TTC12: variants seen among roughly 807,000 people sequenced by gnomAD.
TTC12 encodes tetratricopeptide repeat protein 12.
A neutral mutation model predicts 90.1 loss-of-function variants in TTC12; 70 were observed. The ratio of observed to expected loss-of-function variants is 0.78; its 90% confidence interval spans 0.64 to 0.95. The LOEUF (loss-of-function observed/expected upper bound fraction) is 0.95. Ranked by LOEUF, TTC12 falls within the 40% of genes least tolerant of loss-of-function variation. The probability of loss-of-function intolerance (pLI) is 0.00; values close to 1 mark genes in which losing one functional copy is unlikely to be tolerated. For synonymous variants in TTC12, 296 were observed against 311.5 expected (o/e 0.95, Z 0.53); for missense variants, 819 against 846.1 (o/e 0.97, Z 0.40).
chr11:113,351,189 T>C (rs781796640), intron 14 of TTC12, 50 bp from the exon 15 acceptor site: 2 of 1,538,438 alleles, frequency 1.3e-6, no homozygotes, highest in South Asian at 2.2e-5. Context: ...GTATTTATGT[T>C]ATAGTTTATG....
chr11:113,325,773 G>A (rs1439512459), intron 6 of TTC12, 128 bp downstream of exon 6: 1 of 1,250,644 alleles, frequency 8.0e-7, no homozygotes, highest in Non-Finnish European at 1.1e-6. Flanking sequence ...TGTTTTAAGT[G>A]TGGGAGGAGC....
intron 8 of TTC12, among the ~76,000 whole-genome samples, chr11:113,336,200 T>C (rs1948362435): frequency 6.6e-6 from 1 of 152,198 alleles, no homozygotes; most frequent in Non-Finnish European, 1.5e-5. Flanking sequence ...ATGTACTTGT[T>C]GGCCATTTAT....
intron 18 of TTC12, 142 bp from the exon 19 acceptor site, chr11:113,362,259 T>C: frequency 1.6e-6 from 1 of 620,062 alleles, no homozygotes; most frequent in Non-Finnish European, 2.9e-6. Context: ...AACAGTGCTT[T>C]CTATTATTTG....
intron 2 of TTC12, among the ~76,000 whole-genome samples, chr11:113,321,975 G>A (rs1271628375): frequency 6.6e-6 from 1 of 152,156 alleles, no homozygotes; most frequent in African/African-American, 2.4e-5. Context: ...CACAAAAATG[G>A]TGGTTTGTTT....
chr11:113,342,298 G>A (rs1006549431), intron 12 of TTC12, among the ~76,000 whole-genome samples: 5 of 151,984 alleles, frequency 3.3e-5, no homozygotes, highest in African/African-American at 7.3e-5. Flanking sequence ...GAGATTTACA[G>A]TCATCCCTGC....
intron 7 of TTC12, among the ~76,000 whole-genome samples, chr11:113,332,572 G>T (rs1488169615): frequency 2.0e-5 from 3 of 152,054 alleles, no homozygotes; most frequent in African/African-American, 7.2e-5. Context: ...AATTCATGAG[G>T]GGTCACCCCT....
intron 12 of TTC12, among the ~76,000 whole-genome samples, chr11:113,343,483 C>G (rs1397540713): frequency 1.3e-5 from 2 of 152,276 alleles, no homozygotes; most frequent in East Asian, 3.9e-4. Context: ...ATCCTGTAGT[C>G]CTGTTACTCT....
chr11:113,351,386 C>G, intron 15 of TTC12, 87 bp downstream of exon 15: 2 of 1,059,274 alleles, frequency 1.9e-6, no homozygotes, highest in Non-Finnish European at 2.9e-6. Context: ...CAATCCAGAA[C>G]AACTATTGTC....
At chr11:113,345,965 T>A (rs1427498963) in intron 13 of TTC12, among the ~76,000 whole-genome samples, 1 of 152,144 alleles carries the variant, frequency 6.6e-6, no homozygotes, top group African/African-American at 2.4e-5. Context: ...AGCTTTTTAC[T>A]TTTATGCCCA....
chr11:113,359,913 C>T (rs781918823), intron 17 of TTC12, 27 bp from the exon 18 acceptor site: 3 of 1,558,936 alleles, frequency 1.9e-6, no homozygotes, highest in Non-Finnish European at 2.6e-6. Flanking sequence ...ATTAAAATCT[C>T]CTGCTGGCCT....
intron 6 of TTC12, among the ~76,000 whole-genome samples, chr11:113,329,466 TC>T (rs1255882548): frequency 2.0e-5 from 3 of 152,168 alleles, no homozygotes; most frequent in Non-Finnish European, 4.4e-5. Flanking sequence ...CCCTCTAGCT[TC>T]CATTTGCATT....
intron 16 of TTC12, among the ~76,000 whole-genome samples, chr11:113,352,433 T>A (rs1430912582): frequency 6.6e-6 from 1 of 151,924 alleles, no homozygotes; most frequent in African/African-American, 2.4e-5. Flanking sequence ...TTTTAATTTT[T>A]AAAAATTATT....
At chr11:113,334,925 C>T in intron 7 of TTC12, 41 bp from the exon 8 acceptor site, 1 of 1,539,810 alleles carries the variant, frequency 6.5e-7, no homozygotes, top group South Asian at 1.1e-5. Context: ...AATGACTTCA[C>T]ATCTTCTAAA....
Position 113,352,038 on chromosome 11 carries a change from T to C in TTC12, c.1309-32T>C. 2.5e-6 allele frequency: 4 copies of C among 1,609,304 alleles called. No homozygotes were observed. The Middle Eastern group carries it at 5.3e-4, about 211-fold the overall frequency. On this transcript the variant is annotated intron_variant, in intron 15 of 21. Coordinates refer to ENST00000529221, the MANE Select transcript of TTC12 (RefSeq NM_017868.4). Reference sequence around the variant, plus strand: ...CATGCGGCATCCTTTGCCTGCTCTCTGAGGCTCTGCCTTCTCTCAATTCTC... The same window carrying C: ...CATGCGGCATCCTTTGCCTGCTCTCCGAGGCTCTGCCTTCTCTCAATTCTC...
At chr11:113,323,494 G>A in intron 3 of TTC12, 43 bp downstream of exon 3, 1 of 1,387,448 alleles carries the variant, frequency 7.2e-7, no homozygotes. Context: ...CTTACAGTGA[G>A]AAGACCTACA....
chr11:113,368,585 C>G, downstream of TTC12: 1 of 1,213,618 alleles, frequency 8.2e-7, no homozygotes, highest in Non-Finnish European at 1.2e-6. Context: ...AGGTAACAGA[C>G]AGTCCAGAGC....
At chr11:113,323,821 C>A (rs1256581801) in intron 3 of TTC12, among the ~76,000 whole-genome samples, 173 bp from the exon 4 acceptor site, 2 of 152,176 alleles carry the variant, frequency 1.3e-5, no homozygotes, top group Admixed American at 1.3e-4. Context: ...TGTGCCCATA[C>A]TCAGATCTCC....
At chr11:113,321,412 C>T (rs1305770513) in intron 2 of TTC12, among the ~76,000 whole-genome samples, 1 of 152,136 alleles carries the variant, frequency 6.6e-6, no homozygotes, top group Non-Finnish European at 1.5e-5. Context: ...GAAAAACCAC[C>T]TGGCTATCAA....
chr11:113,337,824 G>A (rs547652544), intron 8 of TTC12, among the ~76,000 whole-genome samples: 1 of 152,114 alleles, frequency 6.6e-6, no homozygotes, highest in South Asian at 2.1e-4. Context: ...GACCAGGTTG[G>A]TGGTGATGGA....
Sources: allele counts gnomAD v4.1 joint callset (sites outside exome capture counted in the v4.1 genomes callset), GRCh38; gene constraint gnomAD v4.1.1; transcripts MANE v1.5; gene names NCBI Gene and HGNC (gene_info 2026-07-23, HGNC 2026-07-21).